NAALADL2: variants seen among roughly 807,000 people sequenced by gnomAD.
NAALADL2 encodes N-acetylated alpha-linked acidic dipeptidase like 2.
NAALADL2 carries 76 observed loss-of-function variants against 87.2 expected under a neutral mutation model. The ratio of observed to expected loss-of-function variants is 0.87; its 90% CI spans 0.72 to 1.05. The LOEUF is 1.05. Among genes scored for constraint, NAALADL2 ranks in the 50% least tolerant of loss-of-function variants. The pLI, the probability that NAALADL2 is intolerant of heterozygous loss-of-function variation, is 0.00. For synonymous variants in NAALADL2, 354 were observed against 331.0 expected (o/e 1.07, Z -0.75); for missense variants, 1,089 against 945.8 (o/e 1.15, Z -1.99).
chr3:174,559,051 G>A (rs1713235173), intron 2 of NAALADL2, among the ~76,000 whole-genome samples: 1 of 152,112 alleles, frequency 6.6e-6, no homozygotes, highest in Non-Finnish European at 1.5e-5. Context: ...AAAGATTAGT[G>A]ACTTTTATCT....
intron 1 of NAALADL2, among the ~76,000 whole-genome samples, chr3:174,891,508 A>C (rs1259306614): frequency 6.6e-6 from 1 of 152,006 alleles, no homozygotes; most frequent in African/African-American, 2.4e-5. Flanking sequence ...GAGGGAGAAC[A>C]CATTTGTGAG....
chr3:174,740,931 A>G (rs1733700895), intron 3 of NAALADL2, among the ~76,000 whole-genome samples: 2 of 151,810 alleles, frequency 1.3e-5, no homozygotes, highest in South Asian at 2.1e-4. Flanking sequence ...AAACTATCCA[A>G]TAAATTTGAT....
intron 5 of NAALADL2, among the ~76,000 whole-genome samples, chr3:175,425,751 A>G (rs1478678066): frequency 1.3e-5 from 2 of 152,174 alleles, no homozygotes; most frequent in African/African-American, 4.8e-5. Context: ...AGATAATTTT[A>G]TCCTACATTG....
chr3:175,581,217 G>A (rs1719716806), intron 10 of NAALADL2: 2 of 326,916 alleles, frequency 6.1e-6, no homozygotes, highest in South Asian at 2.4e-5. Flanking sequence ...TGAGGCGGGA[G>A]GATCACCGGA....
chr3:175,315,133 G>A (rs899790747), intron 4 of NAALADL2, among the ~76,000 whole-genome samples: 1 of 152,110 alleles, frequency 6.6e-6, no homozygotes, highest in African/African-American at 2.4e-5. Context: ...CTTGATGGGA[G>A]TTGACTGACC....
chr3:175,577,489 C>T (rs1719069991), intron 10 of NAALADL2, among the ~76,000 whole-genome samples: 1 of 152,112 alleles, frequency 6.6e-6, no homozygotes, highest in South Asian at 2.1e-4. Context: ...TGAGGATCAG[C>T]TGGAGGATCT....
chr3:175,261,582 T>C (rs1751050348), intron 4 of NAALADL2, among the ~76,000 whole-genome samples: 1 of 152,136 alleles, frequency 6.6e-6, no homozygotes, highest in South Asian at 2.1e-4. Context: ...CTTTTTTTTA[T>C]AAATGCAGTA....
chr3:175,016,259 T>TTATG (rs1553917570), intron 1 of NAALADL2, among the ~76,000 whole-genome samples: 5 of 118,992 alleles, frequency 4.2e-5, no homozygotes, highest in African/African-American at 1.7e-4. Context: ...GATAAATTAT[T>TTATG]TATATATATA....
chr3:174,798,380 C>T (rs2109237393), intron 3 of NAALADL2, among the ~76,000 whole-genome samples: 2 of 152,228 alleles, frequency 1.3e-5, no homozygotes, highest in East Asian at 3.9e-4. Context: ...CAGCCTTGTT[C>T]TCTCTTGTTA....
At chr3:175,184,185 A>G (rs1235127432) in intron 2 of NAALADL2, among the ~76,000 whole-genome samples, 2 of 152,066 alleles carry the variant, frequency 1.3e-5, no homozygotes, top group Non-Finnish European at 2.9e-5. Flanking sequence ...TTTTCATTGT[A>G]GGATCAACGC....
At chr3:174,624,381 T>G (rs1302939132) in intron 2 of NAALADL2, among the ~76,000 whole-genome samples, 2 of 152,092 alleles carry the variant, frequency 1.3e-5, no homozygotes, top group Non-Finnish European at 2.9e-5. Context: ...TCCAGCAGTT[T>G]GGGAGGCGGA....
At chr3:174,605,072 T>A (rs567271057) in intron 2 of NAALADL2, among the ~76,000 whole-genome samples, 3 of 152,282 alleles carry the variant, frequency 2.0e-5, no homozygotes, top group Non-Finnish European at 1.5e-5. Context: ...TTTTTTGGTT[T>A]CAGTTTACCA....
chr3:175,314,680 AT>A (rs1758848167), intron 4 of NAALADL2, among the ~76,000 whole-genome samples: 1 of 15,660 alleles, frequency 6.4e-5, no homozygotes, highest in Admixed American at 6.4e-4. Context: ...ATATATATAT[AT>A]ATATATATAT....
At chr3:175,243,531 CTTTTTTTTTTTTTT>C (rs3066298) in intron 3 of NAALADL2, among the ~76,000 whole-genome samples, 8,312 of 85,718 alleles carry the variant, frequency 0.097, 403 homozygotes, top group Middle Eastern at 0.22. Flanking sequence ...CACATCAGGA[CTTTTTTTTTTTTTT>C]TTTTTTTTTT....
chr3:175,306,530 G>A (rs1255703498), intron 4 of NAALADL2, among the ~76,000 whole-genome samples: 4 of 152,012 alleles, frequency 2.6e-5, no homozygotes, highest in African/African-American at 4.8e-5. Context: ...AATCCAAAGC[G>A]GCCAGACGCG....
intron 12 of NAALADL2, among the ~76,000 whole-genome samples, chr3:175,744,450 G>A (rs1032121229): frequency 6.6e-5 from 10 of 152,074 alleles, no homozygotes; most frequent in Non-Finnish European, 1.5e-4. Context: ...ACTTTCACTG[G>A]GAAAGGTGAG....
At chr3:175,046,368 A>G (rs1754671461) in intron 1 of NAALADL2, among the ~76,000 whole-genome samples, 1 of 152,136 alleles carries the variant, frequency 6.6e-6, no homozygotes, top group Non-Finnish European at 1.5e-5. Context: ...TTGTTTCCTC[A>G]GGAACCAGTT....
At chr3:174,778,275 T>A (rs1715463327) in intron 3 of NAALADL2, among the ~76,000 whole-genome samples, 1 of 152,062 alleles carries the variant, frequency 6.6e-6, no homozygotes, top group African/African-American at 2.4e-5. Context: ...AAACTTCTCA[T>A]CATATAATAT....
At chr3:175,696,659 T>A (rs1737836087) in intron 11 of NAALADL2, among the ~76,000 whole-genome samples, 1 of 152,178 alleles carries the variant, frequency 6.6e-6, no homozygotes, top group East Asian at 1.9e-4. Flanking sequence ...AGTGAAAAGA[T>A]TCTTGGTTCA....
Sources: gnomAD v4.1 joint callset for allele counts (sites outside exome capture counted in the v4.1 genomes callset) on GRCh38, gnomAD v4.1.1 for gene constraint, MANE v1.5 for transcripts, NCBI Gene and HGNC (gene_info 2026-07-23, HGNC 2026-07-21) for gene names.